Variants in KLHL8 observed in about 807,000 individuals in gnomAD.
The protein encoded by KLHL8 is kelch-like protein 8.
Under a neutral mutation model 63.5 loss-of-function variants are expected in KLHL8, and 38 were observed. The observed-to-expected ratio is 0.60, with a 90% CI of 0.46 to 0.78. KLHL8 has a LOEUF of 0.78. Among genes scored for constraint, KLHL8 ranks in the 30% least tolerant of loss-of-function variants. The pLI is 0.00. For missense variants in KLHL8, 566 were observed against 752.4 expected, an observed-to-expected ratio of 0.75 and a Z score of 2.90; for synonymous variants, 224 against 254.3, an observed-to-expected ratio of 0.88 and a Z score of 1.13.
At chr4:87,208,134 G>A (rs1732219889) in intron 1 of KLHL8, 4 of 435,606 alleles carry the variant, frequency 9.2e-6, no homozygotes, top group Non-Finnish European at 1.3e-5. Flanking sequence ...GAGAGGAAGA[G>A]AGAGGTCGTC....
intron 1 of KLHL8, among the ~76,000 whole-genome samples, chr4:87,200,138 C>CA (rs61605160): frequency 0.048 from 3,562 of 73,508 alleles, 107 homozygotes; most frequent in Middle Eastern, 0.1. Flanking sequence ...GAGACTGCCT[C>CA]AAAAAAAAAA....
chr4:87,207,860 A>G, intron 1 of KLHL8: 1 of 1,523,690 alleles, frequency 6.6e-7, no homozygotes. Context: ...GATGACATCA[A>G]GAAGGTGGTG....
At chr4:87,172,943 A>C (rs905995641) in intron 6 of KLHL8, among the ~76,000 whole-genome samples, 3 of 152,184 alleles carry the variant, frequency 2.0e-5, no homozygotes. Context: ...ATGCATATTA[A>C]ATATATATGT....
At position 87,197,463 on chromosome 4, in the gene KLHL8, A is replaced by G. The variant is rs1731740899; in HGVS notation, c.-151-1773T>C. On this transcript the variant is annotated intron_variant, in intron 1 of 9. Transcript: ENST00000273963. Reference sequence around the variant, plus strand: ...GAAATGAATTCTGCCAATGACCTGAATAAGTGTGGAAGCAGATTTCTTCAT... The same window carrying G: ...GAAATGAATTCTGCCAATGACCTGAGTAAGTGTGGAAGCAGATTTCTTCAT... Among the ~76,000 whole-genome samples the G allele has an allele frequency of 2.0e-5, 3 of 152,212 alleles. No individual in the cohort carries two copies. In the South Asian group the frequency reaches 6.2e-4, roughly 32 times the overall value.
At chr4:87,228,202 G>T (rs1733068460) in intron 1 of KLHL8, among the ~76,000 whole-genome samples, 1 of 152,112 alleles carries the variant, frequency 6.6e-6, no homozygotes, top group African/African-American at 2.4e-5. Context: ...ATACTGATTT[G>T]TATCTATTAA....
intron 1 of KLHL8, among the ~76,000 whole-genome samples, chr4:87,214,425 T>G (rs1372350692): frequency 5.8e-4 from 20 of 34,320 alleles, no homozygotes; most frequent in South Asian, 2.5e-3. Flanking sequence ...GATATATATA[T>G]ATATATATAT....
At chr4:87,214,406 C>A (rs2110050138) in intron 1 of KLHL8, among the ~76,000 whole-genome samples, 1 of 96,166 alleles carries the variant, frequency 1.0e-5, no homozygotes, top group Non-Finnish European at 2.3e-5. Flanking sequence ...AACAAACTGG[C>A]ACATAACAGA....
chr4:87,190,262 T>C lies in KLHL8; in HGVS notation c.217-4463A>G, dbSNP rs147940886. Among the ~76,000 whole-genome samples, 892 of 152,298 alleles carry C rather than the reference T, an allele frequency of 5.9e-3. 6 individuals are homozygous for C. Among genetic ancestry groups the C allele is most frequent in the African/African-American group, 0.02 (844 of 41,572 alleles). On this transcript the variant is annotated intron_variant, in intron 2 of 9. Coordinates refer to ENST00000273963, the MANE Select transcript of KLHL8 (RefSeq NM_020803.5). The stretch of plus-strand genomic sequence containing the variant: ...CAATGTTGTTTTGACATTTACATTA[T>C]GACTTTTTGATTACTGTAAATACTA...
At chr4:87,234,405 C>T (rs1221844317) in intron 1 of KLHL8, among the ~76,000 whole-genome samples, 2 of 150,392 alleles carry the variant, frequency 1.3e-5, no homozygotes, top group Non-Finnish European at 2.9e-5. Flanking sequence ...TACCACTGCA[C>T]TCAGCCTGGC....
rs191268791 is a variant in KLHL8, at chr4:87,179,474, A to G, written c.953-854T>C. 9.8e-5 allele frequency among the ~76,000 whole-genome samples: 15 copies of G among 152,292 alleles called. No homozygotes were observed. In the East Asian group the frequency reaches 2.5e-3, roughly 25 times the overall value. ...TTTAGTGAATGCCACTGAATTGTAC[A>G]CTTAAAAATGGTTAAAATGGGCAGG... is the stretch of plus-strand genomic sequence containing the variant. On this transcript the variant is annotated intron_variant, in intron 4 of 9. Transcript: ENST00000273963.
intron 1 of KLHL8, among the ~76,000 whole-genome samples, chr4:87,215,401 T>C (rs1315248314): frequency 6.6e-6 from 1 of 152,228 alleles, no homozygotes; most frequent in Non-Finnish European, 1.5e-5. Flanking sequence ...ACCACACTTC[T>C]GCTACTTTAT....
At chr4:87,212,597 A>AT (rs1732445527) in intron 1 of KLHL8, among the ~76,000 whole-genome samples, 1 of 151,910 alleles carries the variant, frequency 6.6e-6, no homozygotes, top group African/African-American at 2.4e-5. Context: ...AAAAAAAAAA[A>AT]TTTTCTTAAC....
intron 1 of KLHL8, among the ~76,000 whole-genome samples, chr4:87,232,315 A>T (rs1219270193): frequency 6.6e-6 from 1 of 152,148 alleles, no homozygotes; most frequent in Non-Finnish European, 1.5e-5. Flanking sequence ...TGCTTTTCTT[A>T]TTCTTATTGT....
chr4:87,163,921 C>T lies in KLHL8; in HGVS notation c.1696G>A (p.Ala566Thr), dbSNP rs1418306097. 3.1e-6 allele frequency: 5 copies of T among 1,613,988 alleles called. No individual in the cohort carries two copies. The highest frequency in any genetic ancestry group is 1.7e-5 in the Admixed American group (1 of 60,000). Residue 566 changes from alanine to threonine, a missense_variant, in exon 9 of 10, where the codon GCA (alanine) becomes ACA (threonine). Transcript: ENST00000273963. The part of the protein sequence containing the change: ...IFAVGGHNGN[A>T]YLNTVEAFDP... ...AACGCTTCTACTGTATTTAAGTATG[C>T]ATTGCCATTATGACCACCAACTGCA...
chr4:87,230,954 G>C lies in KLHL8; in HGVS notation n.57+9304C>G, dbSNP rs142023522. 7.9e-4 allele frequency among the ~76,000 whole-genome samples: 121 copies of C among 152,328 alleles called. 3 individuals are homozygous for C. Among genetic ancestry groups the C allele is most frequent in the African/African-American group, 2.7e-3 (112 of 41,574 alleles). The stretch of plus-strand genomic sequence containing the variant: ...ATGTTCCTGACATCGGGGCTGTGTA[G>C]CATACAAGTGGAATGTGGACTTCCA... On this transcript the variant is annotated intron_variant and non_coding_transcript_variant, in intron 1 of 1. Coordinates refer to the KLHL8 transcript ENST00000506274.
intron 1 of KLHL8, among the ~76,000 whole-genome samples, chr4:87,214,450 ATAT>A: frequency 8.0e-6 from 1 of 124,686 alleles, no homozygotes; most frequent in Admixed American, 7.7e-5. Context: ...ATATATATAT[ATAT>A]ATATATAATT....
chr4:87,176,915 C>G, intron 5 of KLHL8, 47 bp from the exon 6 acceptor site: 1 of 922,552 alleles, frequency 1.1e-6, no homozygotes. Flanking sequence ...CAAATAAATT[C>G]ATATCATTAA....
In KLHL8 at chr4:87,236,916, G is replaced by A. The variant is rs1467154010; in HGVS notation, n.57+3342C>T. Among the ~76,000 whole-genome samples the A allele has an allele frequency of 2.0e-5, 3 of 151,962 alleles. No homozygotes were observed. The South Asian group carries it at 6.2e-4, about 32-fold the overall frequency. ...TGACCTCAGGTGAGCCACTCGCTTCGGTCTCCCAAAGTGCTGAGATTACAG... is the reference window on the plus strand; with the variant it reads ...TGACCTCAGGTGAGCCACTCGCTTCAGTCTCCCAAAGTGCTGAGATTACAG... On this transcript the variant is annotated intron_variant and non_coding_transcript_variant, in intron 1 of 1. Transcript: ENST00000506274.
At chr4:87,186,570 G>C (rs1300846141) in intron 2 of KLHL8, among the ~76,000 whole-genome samples, 1 of 149,696 alleles carries the variant, frequency 6.7e-6, no homozygotes, top group East Asian at 2.0e-4. Context: ...GCCTCAACCT[G>C]CTGGGCTCGA....
Sources: gnomAD v4.1 joint callset for allele counts (sites outside exome capture counted in the v4.1 genomes callset) on GRCh38, gnomAD v4.1.1 for gene constraint, MANE v1.5 for transcripts, NCBI Gene and HGNC (gene_info 2026-07-23, HGNC 2026-07-21) for gene names.